Variants in CDC42BPA observed in about 807,000 individuals in gnomAD.
CDC42BPA encodes the protein CDC42 binding protein kinase alpha.
Under a neutral mutation model 223.5 loss-of-function variants are expected in CDC42BPA, and 80 were observed. The observed-to-expected ratio is 0.36, with a 90% CI of 0.30 to 0.43. The LOEUF (loss-of-function observed/expected upper bound fraction) is 0.43. CDC42BPA is among the 20% of genes least tolerant of loss of function. The pLI is 1.00. For missense variants in CDC42BPA, 1,743 were observed against 2,099.9 expected (o/e 0.83, Z 3.32); for synonymous variants, 694 against 718.6 (o/e 0.97, Z 0.55).
At chr1:227,159,020 A>G (rs996683990) in intron 6 of CDC42BPA, among the ~76,000 whole-genome samples, 80 of 152,162 alleles carry the variant, frequency 5.3e-4, no homozygotes, top group African/African-American at 1.7e-3. Flanking sequence ...CAGGGATAAT[A>G]GTATTATGCT....
At chr1:227,023,139 G>T in intron 32 of CDC42BPA, 124 bp downstream of exon 32, 1 of 547,094 alleles carries the variant, frequency 1.8e-6, no homozygotes, top group South Asian at 2.3e-5. Context: ...TCATAGACTT[G>T]GAGTAAGATA....
At chr1:227,160,449 T>C (rs938012433) in intron 6 of CDC42BPA, 94 bp downstream of exon 6, 7 of 826,122 alleles carry the variant, frequency 8.5e-6, no homozygotes, top group African/African-American at 3.4e-5. Flanking sequence ...GATGGGTAGA[T>C]AGTATAAATA....
chr1:227,150,042 C>T (rs540064905), intron 6 of CDC42BPA, among the ~76,000 whole-genome samples: 2 of 151,764 alleles, frequency 1.3e-5, no homozygotes, highest in Non-Finnish European at 2.9e-5. Flanking sequence ...TGGGCAACAT[C>T]GTGAAACCAC....
intron 2 of CDC42BPA, among the ~76,000 whole-genome samples, chr1:227,246,783 C>T (rs1036391464): frequency 4.6e-5 from 7 of 152,100 alleles, no homozygotes; most frequent in Non-Finnish European, 8.8e-5. Flanking sequence ...GTCCAGACAC[C>T]GAAAACATCT....
At chr1:227,026,574 G>C (rs1426739192) in intron 30 of CDC42BPA, among the ~76,000 whole-genome samples, 1 of 152,184 alleles carries the variant, frequency 6.6e-6, no homozygotes, top group Non-Finnish European at 1.5e-5. Context: ...CTGTAGCACA[G>C]TTACATGAAT....
chr1:227,291,439 C>T (rs1029538227), intron 1 of CDC42BPA, among the ~76,000 whole-genome samples: 1 of 152,104 alleles, frequency 6.6e-6, no homozygotes, highest in African/African-American at 2.4e-5. Context: ...ATCCCAGCTA[C>T]TCAGGAGGCT....
At chr1:227,264,928 G>A (rs763413788) in intron 1 of CDC42BPA, 42 of 1,220,372 alleles carry the variant, frequency 3.4e-5, no homozygotes, top group African/African-American at 3.0e-5. Context: ...TACCCCACTC[G>A]GTATATTCAT....
intron 16 of CDC42BPA, among the ~76,000 whole-genome samples, chr1:227,089,937 CAGA>C (rs1558473864): frequency 6.6e-6 from 1 of 152,140 alleles, no homozygotes; most frequent in East Asian, 1.9e-4. Context: ...GGTAACTCAA[CAGA>C]ATCTTAAAAT....
At position 227,193,966 on chromosome 1, in the gene CDC42BPA, A is replaced by G. The variant is rs1178192547; in HGVS notation, c.451-32T>C. 5.2e-6 allele frequency: 8 copies of G among 1,533,836 alleles called. No individual in the cohort carries two copies. The African/African-American group carries it at 1.1e-4, about 22-fold the overall frequency. On this transcript the variant is annotated intron_variant, in intron 4 of 36. Coordinates refer to ENST00000366766, the MANE Select transcript of CDC42BPA (RefSeq NM_001394014.1). ...ATGAAAAAAATAAAATGTACTCAGT[A>G]AACTAATAAGGGTGAAAAATCAATA...
intron 5 of CDC42BPA, among the ~76,000 whole-genome samples, chr1:227,165,490 T>C (rs955825238): frequency 6.6e-6 from 1 of 152,188 alleles, no homozygotes; most frequent in African/African-American, 2.4e-5. Flanking sequence ...AATTTGAGCC[T>C]ATTATTAATT....
At chr1:227,047,627 C>T (rs1030978512) in intron 23 of CDC42BPA, among the ~76,000 whole-genome samples, 20 of 152,236 alleles carry the variant, frequency 1.3e-4, no homozygotes, top group Non-Finnish European at 2.5e-4. Flanking sequence ...TGATTTCAGT[C>T]TCAGATTCTT....
intron 1 of CDC42BPA, among the ~76,000 whole-genome samples, chr1:227,300,129 T>C (rs1691360656): frequency 6.6e-6 from 1 of 152,176 alleles, no homozygotes; most frequent in South Asian, 2.1e-4. Flanking sequence ...TTTCATTTAA[T>C]ATAAGGCACC....
chr1:227,103,711 T>C (rs192869556), intron 14 of CDC42BPA, among the ~76,000 whole-genome samples: 26 of 152,262 alleles, frequency 1.7e-4, no homozygotes, highest in African/African-American at 2.4e-4. Flanking sequence ...TCTTCAGTCA[T>C]TGGGTAAGGC....
intron 2 of CDC42BPA, among the ~76,000 whole-genome samples, chr1:227,237,400 T>C (rs1679248693): frequency 6.6e-6 from 1 of 152,158 alleles, no homozygotes; most frequent in Admixed American, 6.5e-5. Context: ...TGTATAAAAA[T>C]ACAAGTGTAA....
chr1:227,169,302 CT>C (rs34524360), intron 5 of CDC42BPA, among the ~76,000 whole-genome samples: 1 of 152,100 alleles, frequency 6.6e-6, no homozygotes, highest in African/African-American at 2.4e-5. Flanking sequence ...TTACATACTC[CT>C]TTTTCTTTAT....
chr1:227,103,053 C>A (rs184799705), intron 14 of CDC42BPA, among the ~76,000 whole-genome samples: 1 of 151,962 alleles, frequency 6.6e-6, no homozygotes, highest in African/African-American at 2.4e-5. Flanking sequence ...AGAGATACAT[C>A]GAGTAAATTC....
At chr1:227,071,714 ACCCCCC>A in intron 20 of CDC42BPA, among the ~76,000 whole-genome samples, 1 of 84,804 alleles carries the variant, frequency 1.2e-5, no homozygotes, top group East Asian at 3.4e-4. Flanking sequence ...AGTGAATCCC[ACCCCCC>A]CCCCCCCAAT....
At position 227,294,620 on chromosome 1, in the gene CDC42BPA, G is replaced by C. The variant is rs952264184; in HGVS notation, c.178+22385C>G. ...TCACGCCTGTAATCCCAGCACTTTG[G>C]GAGGCCGAGGCGGGCGGATCACGAG... is the stretch of plus-strand genomic sequence containing the variant. On this transcript the variant is annotated intron_variant, in intron 1 of 36. Transcript: ENST00000366766. Among the ~76,000 whole-genome samples the C allele has an allele frequency of 4.1e-5, 3 of 73,140 alleles. 1 individual carries two copies. Among genetic ancestry groups the C allele is most frequent in the Non-Finnish European group, 5.7e-5 (2 of 35,020 alleles). The allele number at this position is 73,140 out of a possible 152,430, so 48.0% of individuals were successfully genotyped here. A position where few individuals can be genotyped will look rare whatever the true frequency, so the allele number is the denominator to read the frequency against.
chr1:227,278,804 A>C (rs1277758723), intron 1 of CDC42BPA, among the ~76,000 whole-genome samples: 1 of 152,102 alleles, frequency 6.6e-6, no homozygotes, highest in Non-Finnish European at 1.5e-5. Flanking sequence ...TTTATATTTG[A>C]CTTATTTTTG....
Sources: allele counts gnomAD v4.1 joint callset (sites outside exome capture counted in the v4.1 genomes callset), GRCh38; gene constraint gnomAD v4.1.1; transcripts MANE v1.5; gene names NCBI Gene and HGNC (gene_info 2026-07-23, HGNC 2026-07-21).